Variants in A2M observed in about 807,000 individuals in gnomAD.
A2M encodes C3 and PZP-like alpha-2-macroglobulin domain-containing protein 5.
In A2M, 128 loss-of-function variants were observed where a neutral mutation model predicts 183.9. The observed-to-expected ratio is 0.70, with a 90% CI of 0.60 to 0.81. The LOEUF (loss-of-function observed/expected upper bound fraction) is 0.81, where lower values mean the gene tolerates loss of function less well. Ranked by LOEUF, A2M falls within the 30% of genes least tolerant of loss-of-function variation. The pLI is 0.00. For missense variants in A2M, 1,495 were observed against 1,787.6 expected, an observed-to-expected ratio of 0.84 and a Z score of 2.95; for synonymous variants, 592 against 670.8, an observed-to-expected ratio of 0.88 and a Z score of 1.81.
intron 19 of A2M, 97 bp downstream of exon 19, chr12:9,091,104 C>G (rs879518751): frequency 4.4e-6 from 6 of 1,365,232 alleles, no homozygotes; most frequent in Non-Finnish European, 6.1e-6. Flanking sequence ...ATCTAGTAAG[C>G]ATATTTTGCA....
chr12:9,094,642 G>C (rs762336376), intron 17 of A2M, among the ~76,000 whole-genome samples: 2 of 152,066 alleles, frequency 1.3e-5, no homozygotes, highest in East Asian at 1.9e-4. Context: ...AATGTGTGTG[G>C]TTCCAACATA....
intron 11 of A2M, 73 bp downstream of exon 11, chr12:9,104,165 AT>A: frequency 6.8e-7 from 1 of 1,468,044 alleles, no homozygotes; most frequent in South Asian, 1.3e-5. Context: ...CAGTTTGGAA[AT>A]TTTCTCACCC....
chr12:9,087,678 A>T (rs1375044024), intron 22 of A2M, among the ~76,000 whole-genome samples: 1 of 152,146 alleles, frequency 6.6e-6, no homozygotes, highest in Non-Finnish European at 1.5e-5. Context: ...AAACATAAGT[A>T]TTTCAGGTTA....
At chr12:9,071,772 C>T (rs1038848718) in intron 31 of A2M, among the ~76,000 whole-genome samples, 1 of 152,184 alleles carries the variant, frequency 6.6e-6, no homozygotes, top group Non-Finnish European at 1.5e-5. Context: ...AGGTCATGAT[C>T]TCATTCTTTT....
rs974919424 is a variant in A2M at position 9,101,618 on chromosome 12, G to A, written c.1323C>T (p.His441=). The A allele has an allele frequency of 5.6e-6, 9 of 1,613,908 alleles. No homozygotes were observed. The South Asian group carries it at 7.7e-5, about 14-fold the overall frequency. Reference sequence around the variant, plus strand: ...GATAAGCAGTGTGATGTGCCTCTTCGTGTTCTTCTGACACCCACTGGTAGC... The same window carrying A: ...GATAAGCAGTGTGATGTGCCTCTTCATGTTCTTCTGACACCCACTGGTAGC... ...CYGYQWVSEE[H]EEAHHTAYLV... Residue 441 remains histidine (H), a synonymous_variant, in exon 12 of 36, where the codon CAC becomes CAT. Coordinates refer to ENST00000318602, the MANE Select transcript of A2M (RefSeq NM_000014.6).
Position 9,091,237 on chromosome 12 carries a change from C to T in A2M, c.2433G>A (p.Lys811=). The change falls in exon 19 of 36, where the codon AAG becomes AAA. Residue 811 remains lysine (K), a synonymous_variant. Coordinates refer to ENST00000318602, the MANE Select transcript of A2M (RefSeq NM_000014.6). Reference sequence around the variant, plus strand: ...TGGGAAGGTAGTTTAGGACCGTGGCCTTGAGTGTGAAGGCCTCTCCACGAA... The same window carrying T: ...TGGGAAGGTAGTTTAGGACCGTGGCTTTGAGTGTGAAGGCCTCTCCACGAA... ...SVIRGEAFTL[K]ATVLNYLPKC... 1.9e-6 allele frequency: 3 copies of T among 1,614,162 alleles called. No individual in the cohort carries two copies. The highest frequency in any genetic ancestry group is 2.2e-5 in the South Asian group (2 of 91,080).
intron 33 of A2M, 133 bp from the exon 34 acceptor site, chr12:9,068,975 T>A (rs1425647363): frequency 3.5e-6 from 2 of 571,410 alleles, no homozygotes; most frequent in Non-Finnish European, 6.0e-6. Flanking sequence ...CTTAATTAAA[T>A]TGTGCAGAAA....
intron 7 of A2M, among the ~76,000 whole-genome samples, chr12:9,107,857 ATTTC>A (rs1019953971): frequency 1.3e-5 from 2 of 151,764 alleles, no homozygotes; most frequent in South Asian, 2.1e-4. Flanking sequence ...TTCTTTTATC[ATTTC>A]TTTTTTTTCC....
chr12:9,081,733 C>T (rs1241168787), intron 22 of A2M, among the ~76,000 whole-genome samples: 1 of 152,146 alleles, frequency 6.6e-6, no homozygotes, highest in Non-Finnish European at 1.5e-5. Flanking sequence ...CAGGGGTAGA[C>T]ATCAAGATTC....
chr12:9,092,341 G>A (rs922440586), intron 18 of A2M, among the ~76,000 whole-genome samples: 1 of 152,152 alleles, frequency 6.6e-6, no homozygotes. Context: ...GCAATCAGGA[G>A]TCTCCCTAGA....
intron 15 of A2M, among the ~76,000 whole-genome samples, chr12:9,096,167 T>C (rs1020650363): frequency 1.3e-5 from 2 of 152,240 alleles, no homozygotes; most frequent in Non-Finnish European, 2.9e-5. Flanking sequence ...TGGATCATTT[T>C]CTTGACACAG....
rs369007300 is a variant in A2M at position 9,109,335 on chromosome 12, T to C, written c.744A>G (p.Val248=). Residue 248 remains valine, a synonymous_variant, in exon 7 of 36, where the codon GTA becomes GTG. Transcript: ENST00000318602. ...IITILEEEMN[V]SVCGLYTYGK... Reference sequence around the variant, plus strand: ...AATGAACTCACAGGCCACACACTGATACATTCATCTCTTCTTCCAAGATGG... The same window carrying C: ...AATGAACTCACAGGCCACACACTGACACATTCATCTCTTCTTCCAAGATGG... 14 of 1,612,514 alleles carry C rather than the reference T, an allele frequency of 8.7e-6. No individual in the cohort carries two copies. The African/African-American group carries it at 1.9e-4, about 22-fold the overall frequency.
chr12:9,070,614 T>C, intron 31 of A2M, 36 bp from the exon 32 acceptor site: 2 of 1,468,140 alleles, frequency 1.4e-6, no homozygotes, highest in Non-Finnish European at 9.5e-7. Context: ...TAGGGTTTTC[T>C]GTGTTTTTAA....
chr12:9,078,211 G>A (rs757821797), intron 25 of A2M, among the ~76,000 whole-genome samples: 1 of 152,118 alleles, frequency 6.6e-6, no homozygotes, highest in South Asian at 2.1e-4. Context: ...CTCCCAACAG[G>A]CCCTGGTGTG....
chr12:9,072,585 T>A, intron 30 of A2M, 68 bp downstream of exon 30: 3 of 1,598,508 alleles, frequency 1.9e-6, no homozygotes, highest in South Asian at 1.1e-5. Context: ...GTTTTCTGAG[T>A]TAGGACTTCT....
At chr12:9,114,863 A>G (rs74860739) in intron 1 of A2M, among the ~76,000 whole-genome samples, 2,057 of 152,288 alleles carry the variant, frequency 0.014, 43 homozygotes, top group African/African-American at 0.045. Flanking sequence ...AAATACTTGT[A>G]TATAACTGAT....
intron 2 of A2M, chr12:9,112,747 A>G: frequency 1.8e-6 from 1 of 555,208 alleles, no homozygotes. Flanking sequence ...AATCAGTAAG[A>G]GAGGTTGTAA....
chr12:9,112,692 G>T, intron 2 of A2M, 156 bp from the exon 3 acceptor site: 1 of 717,632 alleles, frequency 1.4e-6, no homozygotes, highest in Non-Finnish European at 2.3e-6. Context: ...AATCACTTCT[G>T]CCATTTTACA....
intron 7 of A2M, among the ~76,000 whole-genome samples, chr12:9,108,338 G>C (rs914089335): frequency 6.6e-5 from 10 of 152,102 alleles, no homozygotes; most frequent in Non-Finnish European, 1.2e-4. Flanking sequence ...ATGTTAGCCA[G>C]GATGGTCTTG....
Sources: allele counts gnomAD v4.1 joint callset (sites outside exome capture counted in the v4.1 genomes callset), GRCh38; gene constraint gnomAD v4.1.1; transcripts MANE v1.5; gene names NCBI Gene and HGNC (gene_info 2026-07-23, HGNC 2026-07-21).